Variants in CSMD1 observed in about 807,000 individuals in gnomAD.
CSMD1 encodes CUB and sushi domain-containing protein 1.
Under a neutral mutation model 417.5 loss-of-function variants are expected in CSMD1, and 213 were observed. The observed-to-expected ratio is 0.51, with a 90% CI of 0.46 to 0.57. The LOEUF is 0.57. Ranked by LOEUF, CSMD1 falls within the 20% of genes least tolerant of loss-of-function variation. CSMD1 has a pLI of 0.00. For missense variants in CSMD1, 6,923 were observed against 4,529.7 expected (o/e 1.53, Z -15.17); for synonymous variants, 2,862 against 1,736.8 (o/e 1.65, Z -16.11).
At chr8:4,280,655 G>A (rs1796730626) in intron 3 of CSMD1, among the ~76,000 whole-genome samples, 1 of 152,184 alleles carries the variant, frequency 6.6e-6, no homozygotes, top group South Asian at 2.1e-4. Flanking sequence ...AGGCTTGTGT[G>A]AATCAGCTCA....
chr8:4,993,510 A>C (rs1222999124), intron 1 of CSMD1, among the ~76,000 whole-genome samples: 1 of 151,916 alleles, frequency 6.6e-6, no homozygotes, highest in African/African-American at 2.4e-5. Flanking sequence ...TACTTAGAAG[A>C]AAACATTCCC....
intron 2 of CSMD1, among the ~76,000 whole-genome samples, chr8:4,421,117 G>A (rs564444355): frequency 6.6e-6 from 1 of 151,298 alleles, no homozygotes; most frequent in East Asian, 2.0e-4. Flanking sequence ...TTCACATGAA[G>A]GAGTAAATGA....
intron 2 of CSMD1, among the ~76,000 whole-genome samples, chr8:4,459,833 C>T (rs1289507995): frequency 6.6e-6 from 1 of 152,070 alleles, no homozygotes; most frequent in Non-Finnish European, 1.5e-5. Flanking sequence ...TGTCACTGGG[C>T]CTAGATAACT....
At chr8:3,586,045 C>T in intron 9 of CSMD1, 91 bp downstream of exon 9, 6 of 1,330,280 alleles carry the variant, frequency 4.5e-6, no homozygotes, top group Non-Finnish European at 6.1e-6. Flanking sequence ...TCTTCCCATA[C>T]ACAATGCTTC....
intron 3 of CSMD1, among the ~76,000 whole-genome samples, chr8:4,332,654 T>G (rs908500345): frequency 6.6e-6 from 1 of 151,234 alleles, no homozygotes; most frequent in Non-Finnish European, 1.5e-5. Flanking sequence ...CAGCTCTCAT[T>G]ACTACCGTTT....
At chr8:3,896,197 G>A (rs190553541) in intron 5 of CSMD1, among the ~76,000 whole-genome samples, 16 of 152,236 alleles carry the variant, frequency 1.1e-4, no homozygotes, top group Admixed American at 5.9e-4. Context: ...AGAGCCCTGT[G>A]ACAAACATCT....
chr8:3,107,508 A>T lies in CSMD1; in HGVS notation c.6835+210T>A, dbSNP rs551552335. On this transcript the variant is annotated intron_variant, in intron 45 of 69. Coordinates refer to ENST00000635120, the MANE Select transcript of CSMD1 (RefSeq NM_033225.6). ...TCAAATGGCAAAACAAAAAAAAATC[A>T]TGGTAATGAAGAGGGACAGACATTT... Among the ~76,000 whole-genome samples the T allele has an allele frequency of 4.6e-5, 7 of 152,338 alleles. No homozygotes were observed. In the South Asian group the frequency reaches 1.5e-3, roughly 32 times the overall value.
intron 2 of CSMD1, among the ~76,000 whole-genome samples, chr8:4,494,249 C>T (rs1258545670): frequency 1.3e-5 from 2 of 152,124 alleles, no homozygotes; most frequent in South Asian, 2.1e-4. Flanking sequence ...ACTGAACAAA[C>T]GTAAAGGAAG....
At chr8:4,504,887 G>A (rs950572335) in intron 2 of CSMD1, among the ~76,000 whole-genome samples, 1 of 152,142 alleles carries the variant, frequency 6.6e-6, no homozygotes, top group African/African-American at 2.4e-5. Flanking sequence ...TGTCATTGAT[G>A]GGCATTTGGG....
chr8:4,963,477 G>C (rs377593400), intron 1 of CSMD1, among the ~76,000 whole-genome samples: 12 of 152,150 alleles, frequency 7.9e-5, no homozygotes, highest in African/African-American at 2.4e-4. Flanking sequence ...TGGGATTACA[G>C]GGGTGAGACA....
intron 5 of CSMD1, among the ~76,000 whole-genome samples, chr8:3,893,656 G>A (rs771189117): frequency 3.3e-5 from 5 of 151,918 alleles, no homozygotes; most frequent in African/African-American, 9.7e-5. Flanking sequence ...AGGAGAGGTA[G>A]TCAAGGAAAT....
intron 2 of CSMD1, among the ~76,000 whole-genome samples, chr8:4,566,758 TA>T (rs1798633279): frequency 6.6e-6 from 1 of 151,612 alleles, no homozygotes; most frequent in Non-Finnish European, 1.5e-5. Context: ...GCACTTTATA[TA>T]ACAAAATTTA....
chr8:3,191,074 G>A (rs922899423), intron 33 of CSMD1, among the ~76,000 whole-genome samples: 1 of 152,170 alleles, frequency 6.6e-6, no homozygotes, highest in Admixed American at 6.5e-5. Flanking sequence ...AGTTAAGAGG[G>A]TAGATTTTTC....
chr8:2,960,766 A>G (rs1036417098), intron 62 of CSMD1, among the ~76,000 whole-genome samples: 5 of 151,950 alleles, frequency 3.3e-5, no homozygotes, highest in African/African-American at 1.2e-4. Context: ...CCTAAGTGGA[A>G]CCTTTTATGG....
At chr8:4,187,948 G>A (rs13270945) in intron 3 of CSMD1, among the ~76,000 whole-genome samples, 84,876 of 151,706 alleles carry the variant, frequency 0.56, 25,623 homozygotes, top group South Asian at 0.76. Flanking sequence ...TATTACAAGT[G>A]GTAGATACTA....
At chr8:4,203,604 G>A (rs1208542224) in intron 3 of CSMD1, among the ~76,000 whole-genome samples, 2 of 152,150 alleles carry the variant, frequency 1.3e-5, no homozygotes, top group Non-Finnish European at 2.9e-5. Context: ...AAGAGCAGCT[G>A]TGGCACTCAA....
intron 17 of CSMD1, among the ~76,000 whole-genome samples, chr8:3,391,212 A>G (rs920207063): frequency 6.6e-6 from 1 of 152,190 alleles, no homozygotes; most frequent in African/African-American, 2.4e-5. Context: ...ATAAACCACT[A>G]AATATACTCC....
chr8:4,533,795 G>A (rs1796956970), intron 2 of CSMD1, among the ~76,000 whole-genome samples: 2 of 151,486 alleles, frequency 1.3e-5, no homozygotes, highest in African/African-American at 4.8e-5. Context: ...TAATTTTTCT[G>A]TGCTTCTATA....
chr8:4,764,895 C>CAAAAAAAA (rs763804321), intron 1 of CSMD1, among the ~76,000 whole-genome samples: 45 of 30,536 alleles, frequency 1.5e-3, no homozygotes, highest in African/African-American at 5.5e-3. Flanking sequence ...AAAAAAAAAA[C>CAAAAAAAA]AACAACAACA....
Sources: gnomAD v4.1 joint callset for allele counts (sites outside exome capture counted in the v4.1 genomes callset) on GRCh38, gnomAD v4.1.1 for gene constraint, MANE v1.5 for transcripts, NCBI Gene and HGNC (gene_info 2026-07-23, HGNC 2026-07-21) for gene names.